Variants in PCNX2 observed in about 807,000 individuals in gnomAD.
PCNX2 encodes the protein pecanex 2.
Under a neutral mutation model 223.8 loss-of-function variants are expected in PCNX2, and 168 were observed. The ratio of observed to expected loss-of-function variants is 0.75; its 90% confidence interval spans 0.66 to 0.85. The LOEUF (loss-of-function observed/expected upper bound fraction) is 0.85, where lower values mean the gene tolerates loss of function less well. PCNX2 is among the 40% of genes least tolerant of loss of function. The pLI, the probability that PCNX2 is intolerant of heterozygous loss-of-function variation, is 0.00. For synonymous variants in PCNX2, 1,006 were observed against 1,052.6 expected (o/e 0.96, Z 0.86); for missense variants, 2,507 against 2,675.5 (o/e 0.94, Z 1.39).
intron 19 of PCNX2, among the ~76,000 whole-genome samples, chr1:233,158,156 AAAAAC>A (rs147231071): frequency 0.023 from 3,476 of 152,238 alleles, 134 homozygotes; most frequent in African/African-American, 0.078. Context: ...TGCAGGAGAG[AAAAAC>A]AAAACAAAAC....
At chr1:233,147,624 A>G (rs189007752) in intron 19 of PCNX2, among the ~76,000 whole-genome samples, 50 of 152,284 alleles carry the variant, frequency 3.3e-4, no homozygotes, top group African/African-American at 1.2e-3. Context: ...CACAGTTCAG[A>G]CTTGTGTTGT....
At chr1:233,057,486 C>T (rs929674458) in intron 23 of PCNX2, 196 bp from the exon 24 acceptor site, 1 of 553,932 alleles carries the variant, frequency 1.8e-6, no homozygotes, top group Non-Finnish European at 3.3e-6. Context: ...GTACAAGAAA[C>T]ACATGGAAGG....
At chr1:233,091,268 G>A (rs1466053077) in intron 22 of PCNX2, among the ~76,000 whole-genome samples, 1 of 152,030 alleles carries the variant, frequency 6.6e-6, no homozygotes, top group Non-Finnish European at 1.5e-5. Context: ...GTTGACAGCT[G>A]TATCTCTCTC....
At chr1:233,146,634 A>C (rs2102791433) in intron 19 of PCNX2, among the ~76,000 whole-genome samples, 1 of 152,364 alleles carries the variant, frequency 6.6e-6, no homozygotes, top group East Asian at 1.9e-4. Flanking sequence ...CAATTCAGAG[A>C]GACATGACAA....
At chr1:233,245,590 C>T (rs555713713) in intron 8 of PCNX2, among the ~76,000 whole-genome samples, 54 of 152,292 alleles carry the variant, frequency 3.5e-4, no homozygotes, top group African/African-American at 1.2e-3. Flanking sequence ...CAGCCAACCA[C>T]GCACAACCTG....
intron 17 of PCNX2, among the ~76,000 whole-genome samples, chr1:233,169,957 T>C (rs1277831072): frequency 2.0e-5 from 3 of 152,178 alleles, no homozygotes; most frequent in African/African-American, 7.2e-5. Flanking sequence ...ACTCAATATA[T>C]TGTACCATAC....
chr1:233,003,840 A>G (rs1670180701), intron 28 of PCNX2, among the ~76,000 whole-genome samples: 2 of 152,236 alleles, frequency 1.3e-5, no homozygotes, highest in African/African-American at 4.8e-5. Context: ...GGATGAGTTC[A>G]TGTCCTTTGC....
chr1:233,295,256 C>T lies in PCNX2; in HGVS notation c.153+70G>A, dbSNP rs536088604. On this transcript the variant is annotated intron_variant, in intron 1 of 33. Transcript: ENST00000258229. The surrounding 1 kb of genome is among the most constrained non-coding windows in gnomAD (Gnocchi z 4.1). Reference sequence around the variant, plus strand: ...CCGAAAGCCCGTGAGGCTGATGGCACGTCTGTGGTTCCTTTCTCCTTCTTC... The same window carrying T: ...CCGAAAGCCCGTGAGGCTGATGGCATGTCTGTGGTTCCTTTCTCCTTCTTC... 3 of 1,545,630 alleles carry T rather than the reference C, an allele frequency of 1.9e-6. No homozygotes were observed. The highest frequency in any genetic ancestry group is 1.2e-5 in the South Asian group (1 of 83,878).
rs898392838 is a variant in PCNX2 at position 232,983,560 on chromosome 1, A to G, written c.*744T>C. 4 of 152,302 alleles carry G rather than the reference A, an allele frequency of 2.6e-5. No individual in the cohort carries two copies. In the East Asian group the frequency reaches 5.8e-4, roughly 22 times the overall value. The allele number at this position is 152,302 out of a possible 1,614,324, so 9.4% of individuals were successfully genotyped here. ...CCCGCAGGGTGCTGGCGGCCCACCAATCGCCTGGACTACAGTGAGGAGCAT... is the reference window on the plus strand; with the variant it reads ...CCCGCAGGGTGCTGGCGGCCCACCAGTCGCCTGGACTACAGTGAGGAGCAT... On this transcript the variant is annotated 3_prime_UTR_variant, in exon 34 of 34. Transcript: ENST00000258229.
At chr1:232,986,018 C>A in intron 33 of PCNX2, 74 bp downstream of exon 33, 1 of 1,488,762 alleles carries the variant, frequency 6.7e-7, no homozygotes, top group Non-Finnish European at 9.2e-7. Context: ...GAACGCAAGG[C>A]AGGTGCCACG....
intron 25 of PCNX2, among the ~76,000 whole-genome samples, chr1:233,033,481 A>G (rs1425162626): frequency 6.6e-6 from 1 of 152,218 alleles, no homozygotes; most frequent in Non-Finnish European, 1.5e-5. Context: ...TGTGTCTTTA[A>G]GGCAAAAACA....
At chr1:233,312,402 C>A in the PCNX2 span, among the ~76,000 whole-genome samples, 4 of 151,900 alleles carry the variant, frequency 2.6e-5, no homozygotes, top group African/African-American at 9.7e-5. Context: ...CCAGAAGATA[C>A]TAAAAGTCTT....
intron 1 of PCNX2, among the ~76,000 whole-genome samples, chr1:233,272,739 A>G (rs756481651): frequency 3.9e-5 from 6 of 152,244 alleles, no homozygotes; most frequent in Non-Finnish European, 7.3e-5. Context: ...ATACGGAACC[A>G]GCCCAAATGC....
chr1:233,257,809 G>A (rs1659814395), intron 5 of PCNX2, among the ~76,000 whole-genome samples: 2 of 152,176 alleles, frequency 1.3e-5, no homozygotes, highest in Non-Finnish European at 2.9e-5. Context: ...TTATGACAAT[G>A]CCTTAAGTGT....
chr1:233,067,473 A>T (rs1007178077), intron 23 of PCNX2, among the ~76,000 whole-genome samples: 5 of 149,464 alleles, frequency 3.3e-5, no homozygotes, highest in African/African-American at 1.2e-4. Flanking sequence ...TGAAAAATAC[A>T]GTAACTAATT....
chr1:232,986,126 C>T lies in PCNX2; in HGVS notation c.6206G>A (p.Gly2069Asp). 2 of 1,568,110 alleles carry T rather than the reference C, an allele frequency of 1.3e-6. No individual in the cohort carries two copies. The highest frequency in any genetic ancestry group is 1.7e-6 in the Non-Finnish European group (2 of 1,155,834). ...QSSSSVNIVM[G>D]PSARAASQAT... ...CTGGCTGGCAGCCCTGGCTGAGGGG[C>T]CCATCACGATGTTGACGCTGCTGGA... Residue 2069 changes from glycine to aspartate, a missense_variant, in exon 33 of 34, where the codon GGC becomes GAC. Physicochemically the swap from Gly to Asp is moderately conservative, Grantham distance 94 (BLOSUM62 -1). This residue lies in a region of PCNX2 where 1,372 missense variants were observed against 1,509.4 expected (regional missense o/e 0.91). Transcript: ENST00000258229.
rs1489086902 is a variant in PCNX2, at chr1:233,139,755, A to C, written c.3618T>G (p.Ile1206Met). Reference protein sequence around the residue: ...YPALILNALTIDAFLISNHRR... With the variant: ...YPALILNALTMDAFLISNHRR... Reference sequence around the variant, plus strand: ...GGTGATTGCTTATTAAAAATGCATCAATAGTGAGGGCATTCAAAATTAGCG... The same window carrying C: ...GGTGATTGCTTATTAAAAATGCATCCATAGTGAGGGCATTCAAAATTAGCG... The change falls in exon 20 of 34, where the codon ATT becomes ATG. Residue 1206 changes from isoleucine to methionine, a missense_variant. By Grantham distance (10) the Ile-to-Met change is conservative. Coordinates refer to ENST00000258229, the MANE Select transcript of PCNX2 (RefSeq NM_014801.4). The surrounding 1 kb of genome is among the most constrained non-coding windows in gnomAD (Gnocchi z 4.4). 5 of 1,610,268 alleles carry C rather than the reference A, an allele frequency of 3.1e-6. No individual in the cohort carries two copies. The highest frequency in any genetic ancestry group is 4.2e-6 in the Non-Finnish European group (5 of 1,178,128).
intron 28 of PCNX2, among the ~76,000 whole-genome samples, chr1:233,011,990 C>T (rs1670484543): frequency 6.6e-6 from 1 of 152,152 alleles, no homozygotes; most frequent in African/African-American, 2.4e-5. Flanking sequence ...CCTCAACCTT[C>T]AACCTGTGGG....
At chr1:233,148,780 C>T (rs1186191935) in intron 19 of PCNX2, among the ~76,000 whole-genome samples, 1 of 152,184 alleles carries the variant, frequency 6.6e-6, no homozygotes, top group Non-Finnish European at 1.5e-5. Flanking sequence ...ACGCTTCAGT[C>T]TCTAGATGAG....
Sources: gnomAD v4.1 joint callset for allele counts (sites outside exome capture counted in the v4.1 genomes callset) on GRCh38, gnomAD v4.1.1 for gene constraint, gnomAD v4.1.1 regional missense constraint, Gnocchi (gnomAD v3.1) non-coding constraint, MANE v1.5 for transcripts, NCBI Gene and HGNC (gene_info 2026-07-23, HGNC 2026-07-21) for gene names.